TAX1BP1: variants seen among roughly 807,000 people sequenced by gnomAD.
TAX1BP1 encodes the protein tax1-binding protein 1.
In TAX1BP1, 62 loss-of-function variants were observed where a neutral mutation model predicts 97.7. The ratio of observed to expected loss-of-function variants is 0.63; its 90% confidence interval spans 0.52 to 0.78. The LOEUF (loss-of-function observed/expected upper bound fraction) is 0.78. TAX1BP1 is among the 30% of genes least tolerant of loss of function. The pLI, the probability that TAX1BP1 is intolerant of heterozygous loss-of-function variation, is 0.00. For missense variants in TAX1BP1, 867 were observed against 916.1 expected, an observed-to-expected ratio of 0.95 and a Z score of 0.69; for synonymous variants, 340 against 304.2, an observed-to-expected ratio of 1.12 and a Z score of -1.23.
rs1022782487 is a variant in TAX1BP1 at position 27,786,677 on chromosome 7, T to C, written c.853-741T>C. 4.6e-5 allele frequency among the ~76,000 whole-genome samples: 7 copies of C among 152,334 alleles called. No individual in the cohort carries two copies. In the East Asian group the frequency reaches 1.2e-3, roughly 25 times the overall value. ...GCTGCAAGGGTGTTGGTTGCTGATG[T>C]CTTCAGAGAATCAGGAGTTAATATT... On this transcript the variant is annotated intron_variant, in intron 7 of 16. Coordinates refer to ENST00000396319, the MANE Select transcript of TAX1BP1 (RefSeq NM_006024.7).
At chr7:27,765,606 G>A (rs1788602229) in intron 3 of TAX1BP1, among the ~76,000 whole-genome samples, 1 of 151,944 alleles carries the variant, frequency 6.6e-6, no homozygotes, top group Admixed American at 6.6e-5. Flanking sequence ...AGATACAAGG[G>A]GAAAGGATAT....
At chr7:27,771,048 A>G (rs73073375) in intron 5 of TAX1BP1, among the ~76,000 whole-genome samples, 11,473 of 146,726 alleles carry the variant, frequency 0.078, 647 homozygotes, top group Middle Eastern at 0.12. Flanking sequence ...ATTAAAATAT[A>G]GTAAAATCTC....
At chr7:27,759,974 C>T (rs1336258669) in intron 3 of TAX1BP1, among the ~76,000 whole-genome samples, 1 of 151,900 alleles carries the variant, frequency 6.6e-6, no homozygotes, top group East Asian at 1.9e-4. Flanking sequence ...GTGCCTCAGC[C>T]TCCTGAGTAG....
At chr7:27,803,007 T>A (rs1790196736) in intron 13 of TAX1BP1, 1 of 1,110,272 alleles carries the variant, frequency 9.0e-7, no homozygotes, top group Admixed American at 3.0e-5. Flanking sequence ...GTGGATTTAG[T>A]AATAGGAATT....
chr7:27,802,193 A>G (rs569525534), intron 13 of TAX1BP1, among the ~76,000 whole-genome samples: 2 of 152,238 alleles, frequency 1.3e-5, no homozygotes, highest in Non-Finnish European at 2.9e-5. Flanking sequence ...TTTCGGTGCT[A>G]GTTCTGTTAA....
chr7:27,792,957 G>T (rs1246104978), intron 9 of TAX1BP1, 109 bp from the exon 10 acceptor site: 1 of 1,009,978 alleles, frequency 9.9e-7, no homozygotes, highest in Non-Finnish European at 1.4e-6. Flanking sequence ...GCAAGACTCT[G>T]TCTCAAAAAC....
chr7:27,796,370 TG>T, intron 12 of TAX1BP1, 151 bp downstream of exon 12: 1 of 623,842 alleles, frequency 1.6e-6, no homozygotes, highest in African/African-American at 1.9e-5. Flanking sequence ...GATGATGAGG[TG>T]GGCGTTTTGT....
At chr7:27,772,103 G>A (rs1788867704) in intron 5 of TAX1BP1, 1 of 151,228 alleles carries the variant, frequency 6.6e-6, no homozygotes, top group Admixed American at 6.6e-5. Context: ...GATAAAACGT[G>A]TTGGCCAGGA....
intron 2 of TAX1BP1, among the ~76,000 whole-genome samples, chr7:27,749,250 A>T (rs1787935610): frequency 1.3e-5 from 2 of 152,244 alleles, no homozygotes; most frequent in East Asian, 3.8e-4. Flanking sequence ...CTTGAAAATG[A>T]AGGTGATCAT....
chr7:27,811,170 A>T (rs6979048), intron 13 of TAX1BP1, among the ~76,000 whole-genome samples: 1 of 152,102 alleles, frequency 6.6e-6, no homozygotes, highest in African/African-American at 2.4e-5. Flanking sequence ...TTGAAAGAGT[A>T]TTTTCCTTTT....
intron 1 of TAX1BP1, among the ~76,000 whole-genome samples, chr7:27,741,603 C>T (rs576312719): frequency 2.0e-5 from 3 of 151,748 alleles, no homozygotes; most frequent in South Asian, 4.2e-4. Context: ...CAGGTTCAAG[C>T]GATTCTCCTG....
At chr7:27,792,993 A>C in intron 9 of TAX1BP1, 73 bp from the exon 10 acceptor site, 1 of 1,326,844 alleles carries the variant, frequency 7.5e-7, no homozygotes, top group Non-Finnish European at 1.0e-6. Flanking sequence ...AGTAAGATTG[A>C]AGTTGGGGTT....
At chr7:27,761,367 C>T (rs911444310) in intron 3 of TAX1BP1, among the ~76,000 whole-genome samples, 16 of 152,092 alleles carry the variant, frequency 1.1e-4, no homozygotes, top group Admixed American at 6.5e-5. Flanking sequence ...CATCAGGGTT[C>T]ACTGTGTGAT....
intron 13 of TAX1BP1, among the ~76,000 whole-genome samples, chr7:27,809,455 C>G (rs889611658): frequency 6.6e-6 from 1 of 152,174 alleles, no homozygotes; most frequent in African/African-American, 2.4e-5. Context: ...AGTTCATGGA[C>G]CTCCTGAAAT....
At chr7:27,776,789 A>G (rs564342910) in intron 5 of TAX1BP1, among the ~76,000 whole-genome samples, 139 of 139,076 alleles carry the variant, frequency 1.0e-3, no homozygotes, top group Admixed American at 2.5e-3. Flanking sequence ...AAGTTGTTTC[A>G]GAGTTCACTT....
intron 5 of TAX1BP1, among the ~76,000 whole-genome samples, chr7:27,778,499 T>C (rs762348114): frequency 7.9e-5 from 12 of 152,180 alleles, no homozygotes; most frequent in Non-Finnish European, 1.6e-4. Flanking sequence ...GATTATTCAG[T>C]TGCAGATATA....
At chr7:27,773,977 T>C (rs184046701) in intron 5 of TAX1BP1, among the ~76,000 whole-genome samples, 1 of 152,286 alleles carries the variant, frequency 6.6e-6, no homozygotes, top group East Asian at 1.9e-4. Flanking sequence ...GGATGTGATG[T>C]ACTTCAAGGC....
At chr7:27,773,756 T>C (rs778178670) in intron 5 of TAX1BP1, among the ~76,000 whole-genome samples, 5 of 152,064 alleles carry the variant, frequency 3.3e-5, no homozygotes, top group Non-Finnish European at 7.4e-5. Context: ...CTTGTTTGTA[T>C]TTTGGAGTGC....
At chr7:27,797,244 G>T (rs1462401254) in intron 12 of TAX1BP1, among the ~76,000 whole-genome samples, 1 of 152,044 alleles carries the variant, frequency 6.6e-6, no homozygotes, top group East Asian at 1.9e-4. Flanking sequence ...TGATCCACTC[G>T]CCTCGGCCTG....
Sources: gnomAD v4.1 joint callset for allele counts (sites outside exome capture counted in the v4.1 genomes callset) on GRCh38, gnomAD v4.1.1 for gene constraint, MANE v1.5 for transcripts, NCBI Gene and HGNC (gene_info 2026-07-23, HGNC 2026-07-21) for gene names.